The following ENTR1 variants were observed in gnomAD, a reference collection of about 807,000 sequenced individuals.
The protein encoded by ENTR1 is endosome-associated-trafficking regulator 1.
In ENTR1, 47 loss-of-function variants were observed where a neutral mutation model predicts 47.9. The ratio of observed to expected loss-of-function variants is 0.98; its 90% CI spans 0.78 to 1.25. The LOEUF (loss-of-function observed/expected upper bound fraction) is 1.25. Among genes scored for constraint, ENTR1 ranks in the 50% most tolerant of loss-of-function variants. ENTR1 has a pLI of 0.00. For missense variants in ENTR1, 668 were observed against 570.5 expected (o/e 1.17, Z -1.74); for synonymous variants, 290 against 245.8 (o/e 1.18, Z -1.68).
In ENTR1 at chr9:136,410,338, G is replaced by A. The variant is rs1465741155; in HGVS notation, c.60C>T (p.Ala20=). The A allele has an allele frequency of 1.2e-5, 18 of 1,545,712 alleles. No individual in the cohort carries two copies. Among genetic ancestry groups the A allele is most frequent in the East Asian group, 2.5e-5 (1 of 40,676 alleles). Residue 20 remains alanine, a synonymous_variant, in exon 1 of 10, where the codon GCC becomes GCT. Coordinates refer to ENST00000357365, the MANE Select transcript of ENTR1 (RefSeq NM_001039707.2). ...CCCTGCCCCGCTCACCGTCGGGAAT[G>A]GCGAGGCTCCGGGCTCGGGACAGCG... ...ATPLSRARSL[A]IPDAPAFYER...
chr9:136,403,019 G>A (rs1275694793), intron 9 of ENTR1, 132 bp from the exon 10 acceptor site: 3 of 314,810 alleles, frequency 9.5e-6, no homozygotes, highest in Non-Finnish European at 1.7e-5. Context: ...AAGGGGAGAG[G>A]TTCTGAGTGG....
intron 9 of ENTR1, 31 bp downstream of exon 9, chr9:136,404,024 C>T (rs1407314358): frequency 4.5e-6 from 7 of 1,556,216 alleles, no homozygotes; most frequent in Non-Finnish European, 6.1e-6. Flanking sequence ...CCTTTCCCCG[C>T]CAGGCTTCCC....
rs1834541220 is a variant in ENTR1 at position 136,402,698 on chromosome 9, C to A, written c.*90G>T. ...AACACTTTACTCTGGGTGAAGACTGCATATTTAAGGACACAACTGCACATT... is the reference window on the plus strand; with the variant it reads ...AACACTTTACTCTGGGTGAAGACTGAATATTTAAGGACACAACTGCACATT... On this transcript the variant is annotated 3_prime_UTR_variant, in exon 10 of 10. Coordinates refer to ENST00000357365, the MANE Select transcript of ENTR1 (RefSeq NM_001039707.2). 1 of 851,522 alleles carries A rather than the reference C, an allele frequency of 1.2e-6. No homozygotes were observed. Among genetic ancestry groups the A allele is most frequent in the Non-Finnish European group, 1.9e-6 (1 of 515,856 alleles). The allele number at this position is 851,522 out of a possible 1,614,324, so 52.7% of individuals were successfully genotyped here. A position where few individuals can be genotyped will look rare whatever the true frequency, so the allele number is the denominator to read the frequency against.
intron 1 of ENTR1, 31 bp downstream of exon 1, chr9:136,410,297 G>A (rs1835037612): frequency 1.9e-6 from 3 of 1,550,406 alleles, no homozygotes; most frequent in Non-Finnish European, 2.6e-6. Context: ...CGCCCACCTG[G>A]ACCGCTGGAC....
intron 8 of ENTR1, 43 bp downstream of exon 8, chr9:136,404,588 C>T: frequency 6.3e-7 from 1 of 1,596,566 alleles, no homozygotes; most frequent in African/African-American, 1.3e-5. Context: ...TTATGTGACT[C>T]CACAAATCAA....
intron 3 of ENTR1, 41 bp from the exon 4 acceptor site, chr9:136,407,979 G>A (rs768198025): frequency 2.3e-5 from 31 of 1,359,630 alleles, no homozygotes; most frequent in African/African-American, 4.3e-5. Flanking sequence ...GTCTACTGAA[G>A]AGCGTTGAAA....
intron 5 of ENTR1, 56 bp from the exon 6 acceptor site, chr9:136,406,034 T>C: frequency 1.5e-6 from 2 of 1,371,622 alleles, no homozygotes; most frequent in South Asian, 1.2e-5. Context: ...CAAAAGGGCG[T>C]GTGCTTCTGC....
chr9:136,405,446 A>G (rs1009955014), intron 6 of ENTR1: 1 of 490,936 alleles, frequency 2.0e-6, no homozygotes. Flanking sequence ...TAAAGTTTAA[A>G]ATAAACCTTG....
rs778168036 is a variant in ENTR1, at chr9:136,405,943, C to T, written c.855G>A (p.Leu285=). The change falls in exon 6 of 10, where the codon CTG becomes CTA. Residue 285 remains leucine (L), a synonymous_variant. Transcript: ENST00000357365. The stretch of plus-strand genomic sequence containing the variant: ...CTTCAGAGAAGCTCTGAACCTCATT[C>T]AGCTTTCTTCTCAGCTTAGAATTTT... ...KDENSKLRRK[L]NEVQSFSEAQ... 5 of 1,608,132 alleles carry T rather than the reference C, an allele frequency of 3.1e-6. No homozygotes were observed. In the African/African-American group the frequency reaches 6.7e-5, roughly 22 times the overall value.
chr9:136,404,211 G>A lies in ENTR1; in HGVS notation c.1069-17C>T, dbSNP rs761310248. The A allele has an allele frequency of 1.9e-5, 30 of 1,595,794 alleles. No individual in the cohort carries two copies. Among genetic ancestry groups the A allele is most frequent in the Non-Finnish European group, 2.2e-5 (26 of 1,168,904 alleles). Reference sequence around the variant, plus strand: ...GACCTGCGCCTGGGGGGACGGTTACGGCTAAGGACAGAGCAGCTCCGAGGC... The same window carrying A: ...GACCTGCGCCTGGGGGGACGGTTACAGCTAAGGACAGAGCAGCTCCGAGGC... On this transcript the variant is annotated splice_polypyrimidine_tract_variant and intron_variant, in intron 8 of 9. Coordinates refer to ENST00000357365, the MANE Select transcript of ENTR1 (RefSeq NM_001039707.2).
Position 136,407,861 on chromosome 9 carries a change from A to G in ENTR1, c.367T>C (p.Ser123Pro). ...ATTCTGCTGGCCGGATCCTCTTTCG[A>G]GAGGCCGAGGTTCTTGGTCTTCAGA... ...EFLKTKNLGL[S>P]KEDPASRIYA... Residue 123 changes from serine (S) to proline (P), a missense_variant, in exon 4 of 10, where the codon TCG (serine) becomes CCG (proline). By Grantham distance (74) the Ser-to-Pro change is moderately conservative. Coordinates refer to ENST00000357365, the MANE Select transcript of ENTR1 (RefSeq NM_001039707.2). 1.2e-6 allele frequency: 2 copies of G among 1,613,418 alleles called. No individual in the cohort carries two copies. The highest frequency in any genetic ancestry group is 8.5e-7 in the Non-Finnish European group (1 of 1,179,378).
intron 9 of ENTR1, among the ~76,000 whole-genome samples, chr9:136,403,516 C>G (rs1254036533): frequency 1.3e-5 from 2 of 151,578 alleles, no homozygotes; most frequent in African/African-American, 2.4e-5. Context: ...TGGGGGAGAA[C>G]CACAGGTTTT....
rs938827180 is a variant in ENTR1 at position 136,407,357 on chromosome 9, C to T, written c.607G>A (p.Ala203Thr). The change falls in exon 5 of 10, where the codon GCC becomes ACC. Residue 203 changes from alanine (A) to threonine (T), a missense_variant. Ala to Thr is a moderately conservative substitution (Grantham distance 58). Coordinates refer to ENST00000357365, the MANE Select transcript of ENTR1 (RefSeq NM_001039707.2). ...IEQTHPERVPAGTSPCSTYLS... is the reference protein window; with the variant it reads ...IEQTHPERVPTGTSPCSTYLS... ...TATGTGCTGCAGGGCGACGTGCCGGCAGGGACCCTCTCGGGGTGAGTCTGC... is the reference window on the plus strand; with the variant it reads ...TATGTGCTGCAGGGCGACGTGCCGGTAGGGACCCTCTCGGGGTGAGTCTGC... 1 of 1,607,500 alleles carries T rather than the reference C, an allele frequency of 6.2e-7. No homozygotes were observed. Among genetic ancestry groups the T allele is most frequent in the African/African-American group, 1.3e-5 (1 of 74,936 alleles).
At position 136,407,529 on chromosome 9, in the gene ENTR1, G is replaced by A; in HGVS notation, c.435C>T (p.His145=). The A allele has an allele frequency of 6.3e-7, 1 of 1,598,570 alleles. No homozygotes were observed. The highest frequency in any genetic ancestry group is 8.5e-7 in the Non-Finnish European group (1 of 1,174,566). The stretch of plus-strand genomic sequence containing the variant: ...CGCCGGTTTGGGAGGGTGGGGAGTT[G>A]TGGTCAAGTCCCAGGGAATGCCTCG... ...EASRHSLGLD[H]NSPPSQTGGY... The change falls in exon 5 of 10, where the codon CAC becomes CAT. Residue 145 remains histidine (H), a synonymous_variant. Coordinates refer to ENST00000357365, the MANE Select transcript of ENTR1 (RefSeq NM_001039707.2).
In ENTR1 at chr9:136,410,312, C is replaced by T. The variant is rs530882378; in HGVS notation, c.70+16G>A. ...CGCCCACCTGGACCGCTGGACTCGG[C>T]CCCTGCCCCGCTCACCGTCGGGAAT... On this transcript the variant is annotated intron_variant, in intron 1 of 9. Coordinates refer to ENST00000357365, the MANE Select transcript of ENTR1 (RefSeq NM_001039707.2). 3 of 1,548,958 alleles carry T rather than the reference C, an allele frequency of 1.9e-6. No individual in the cohort carries two copies. The highest frequency in any genetic ancestry group is 2.4e-5 in the East Asian group (1 of 40,856).
Position 136,409,051 on chromosome 9 carries a change from C to A in ENTR1, c.237G>T (p.Lys79Asn), listed in dbSNP as rs1367632268. 1 of 1,613,976 alleles carries A rather than the reference C, an allele frequency of 6.2e-7. No homozygotes were observed. Among genetic ancestry groups the A allele is most frequent in the East Asian group, 2.2e-5 (1 of 44,890 alleles). Reference protein sequence around the residue: ...SVGDTDFGYGKGKCSKQSPSG... With the variant: ...SVGDTDFGYGNGKCSKQSPSG... ...ACGGGCTCTGCTTAGAACATTTCCC[C>A]TTTCCATAGCCAAAATCTGCAAAGA... The change falls in exon 3 of 10, where the codon AAG becomes AAT. Residue 79 changes from lysine (K) to asparagine (N), a missense_variant. Physicochemically the swap from Lys to Asn is moderately conservative, Grantham distance 94. Coordinates refer to ENST00000357365, the MANE Select transcript of ENTR1 (RefSeq NM_001039707.2).
intron 4 of ENTR1, 93 bp from the exon 5 acceptor site, chr9:136,407,654 A>T (rs1195229311): frequency 2.7e-5 from 40 of 1,470,306 alleles, no homozygotes; most frequent in Non-Finnish European, 3.6e-5. Flanking sequence ...ACAAGAAGAA[A>T]GGCCCAATCT....
chr9:136,403,243 A>C (rs1834578405), intron 9 of ENTR1, among the ~76,000 whole-genome samples: 1 of 90,012 alleles, frequency 1.1e-5, no homozygotes, highest in African/African-American at 4.3e-5. Context: ...GAGAAAGGTA[A>C]GGGGTTCCAG....
At chr9:136,406,191 C>T (rs1038101363) in intron 5 of ENTR1, among the ~76,000 whole-genome samples, 1 of 152,210 alleles carries the variant, frequency 6.6e-6, no homozygotes, top group African/African-American at 2.4e-5. Context: ...ACTCAGAGGC[C>T]GGGGGCAGTG....
Sources: allele counts gnomAD v4.1 joint callset (sites outside exome capture counted in the v4.1 genomes callset), GRCh38; gene constraint gnomAD v4.1.1; transcripts MANE v1.5; gene names NCBI Gene and HGNC (gene_info 2026-07-23, HGNC 2026-07-21).